The following PTBP2 variants were observed in gnomAD, a reference collection of about 807,000 sequenced individuals.
PTBP2 encodes the protein polypyrimidine tract-binding protein 2.
PTBP2 carries 13 observed loss-of-function variants against 61.4 expected under a neutral mutation model. The observed-to-expected ratio is 0.21, with a 90% CI of 0.14 to 0.34. PTBP2 has a LOEUF of 0.34. PTBP2 is among the 10% of genes least tolerant of loss of function. The pLI is 1.00. For synonymous variants in PTBP2, 215 were observed against 218.5 expected, an observed-to-expected ratio of 0.98 and a Z score of 0.14; for missense variants, 405 against 642.6, an observed-to-expected ratio of 0.63 and a Z score of 4.00.
chr1:96,813,546 C>A lies in PTBP2; in HGVS notation c.*141C>A. The A allele has an allele frequency of 1.3e-6, 1 of 759,776 alleles. No homozygotes were observed. The highest frequency in any genetic ancestry group is 1.9e-6 in the Non-Finnish European group (1 of 526,430). 47.1% of individuals were successfully genotyped at this position (759,776 alleles called of 1,614,324 possible). A position where few individuals can be genotyped will look rare whatever the true frequency, so the allele number is the denominator to read the frequency against. On this transcript the variant is annotated 3_prime_UTR_variant, in exon 14 of 14. Transcript: ENST00000674951. ...TTCTTTTTTTTTTCCATGCTGTTAT[C>A]ATTCCTTGGTTATAAAATGAAATGG...
intron 8 of PTBP2, among the ~76,000 whole-genome samples, chr1:96,794,853 G>A (rs1660205528): frequency 1.3e-5 from 2 of 152,146 alleles, no homozygotes; most frequent in Non-Finnish European, 2.9e-5. Flanking sequence ...TGTTTTAGGT[G>A]TGATGAACAT....
At chr1:96,786,601 GT>G (rs1659231081) in intron 8 of PTBP2, among the ~76,000 whole-genome samples, 1 of 152,132 alleles carries the variant, frequency 6.6e-6, no homozygotes, top group African/African-American at 2.4e-5. Context: ...GATAGACATT[GT>G]TTTAGAAAGA....
At chr1:96,729,776 G>A (rs1033208241) in intron 2 of PTBP2, among the ~76,000 whole-genome samples, 8 of 132,932 alleles carry the variant, frequency 6.0e-5, no homozygotes, top group Non-Finnish European at 3.1e-5. Flanking sequence ...TTGCTCTGTC[G>A]CCCGGGCTGG....
chr1:96,756,163 C>T (rs754950851), intron 3 of PTBP2, among the ~76,000 whole-genome samples: 7 of 152,190 alleles, frequency 4.6e-5, no homozygotes, highest in Non-Finnish European at 1.0e-4. Flanking sequence ...CTTTGGGAAG[C>T]CAAGGCAGGC....
In PTBP2 at chr1:96,777,675, C is replaced by T. The variant is rs897154791; in HGVS notation, c.523C>T (p.Pro175Ser). ...GTTVSESAVT[P>S]AQSPVLRIII... ...CACAGTTAGCGAGAGTGCAGTGACT[C>T]CAGCCCAGAGTCCAGTACTTAGAAT... The change falls in exon 6 of 14, where the codon CCA becomes TCA. Residue 175 changes from proline to serine, a missense_variant. Physicochemically the swap from Pro to Ser is moderately conservative, Grantham distance 74. Coordinates refer to ENST00000674951, the MANE Select transcript of PTBP2 (RefSeq NM_021190.4). 1.9e-6 allele frequency: 3 copies of T among 1,613,246 alleles called. No individual in the cohort carries two copies. The highest frequency in any genetic ancestry group is 2.5e-6 in the Non-Finnish European group (3 of 1,179,466).
At chr1:96,750,753 A>C (rs557527717) in intron 2 of PTBP2, among the ~76,000 whole-genome samples, 1 of 152,250 alleles carries the variant, frequency 6.6e-6, no homozygotes, top group Admixed American at 6.5e-5. Flanking sequence ...AGCTAGTTTA[A>C]ATATTAGTCC....
At chr1:96,790,267 GC>G (rs1659646479) in intron 8 of PTBP2, among the ~76,000 whole-genome samples, 1 of 149,514 alleles carries the variant, frequency 6.7e-6, no homozygotes, top group African/African-American at 2.4e-5. Context: ...AAGATTTAGA[GC>G]CTTTTTTTTT....
intron 1 of PTBP2, among the ~76,000 whole-genome samples, chr1:96,722,913 A>C (rs753340781): frequency 1.3e-5 from 2 of 152,244 alleles, no homozygotes; most frequent in South Asian, 2.1e-4. Context: ...AAGGTCAAAA[A>C]TACAGCAGTA....
In PTBP2 at chr1:96,754,037, T is replaced by G. The variant is rs59241449; in HGVS notation, c.115+2537T>G. Among the ~76,000 whole-genome samples the G allele has an allele frequency of 2.7e-3, 417 of 152,236 alleles. 5 individuals carry two copies. Among genetic ancestry groups the G allele is most frequent in the African/African-American group, 9.8e-3 (408 of 41,546 alleles). ...AAAATTTGAATAAAATATATCAACT[T>G]ACATTCCTAAGAAGCTCAGGTAAAC... On this transcript the variant is annotated intron_variant, in intron 3 of 13. Coordinates refer to ENST00000674951, the MANE Select transcript of PTBP2 (RefSeq NM_021190.4).
At chr1:96,749,794 A>G (rs1654309166) in intron 2 of PTBP2, 1 of 370,652 alleles carries the variant, frequency 2.7e-6, no homozygotes. Flanking sequence ...TTGCCTGGTA[A>G]TCACTGTTCG....
rs368588997 is a variant in PTBP2 at position 96,787,515 on chromosome 1, CTTT to C, written c.904+2267_904+2269del. On this transcript the variant is annotated intron_variant, in intron 8 of 13. Transcript: ENST00000674951. ...GTGTTTAGCCTTTCCTAAGTGACTT[CTTT>C]TTTTTATCTGTTTTAATGTTTTTGC... 2.3e-3 allele frequency among the ~76,000 whole-genome samples: 349 copies of C among 151,574 alleles called. 2 individuals carry two copies. The highest frequency in any genetic ancestry group is 8.2e-3 in the African/African-American group (342 of 41,482).
chr1:96,734,332 ACTCTC>A (rs1469771451), intron 2 of PTBP2, among the ~76,000 whole-genome samples: 1 of 152,020 alleles, frequency 6.6e-6, no homozygotes, highest in Non-Finnish European at 1.5e-5. Flanking sequence ...AAGAATAGGG[ACTCTC>A]CTCTCCTTTT....
downstream of PTBP2, chr1:96,817,850 TATG>T (rs1323305132): frequency 1.3e-5 from 2 of 152,112 alleles, no homozygotes; most frequent in Admixed American, 6.6e-5. Flanking sequence ...TGGCAAATAA[TATG>T]ATATTGGGTG....
intron 3 of PTBP2, among the ~76,000 whole-genome samples, chr1:96,765,100 AT>A (rs1004198200): frequency 3.4e-5 from 5 of 148,470 alleles, no homozygotes; most frequent in East Asian, 2.0e-4. Flanking sequence ...AGCAGCATTC[AT>A]TTTTTTTTTC....
At chr1:96,783,658 T>C (rs1444653415) in intron 7 of PTBP2, among the ~76,000 whole-genome samples, 1 of 152,108 alleles carries the variant, frequency 6.6e-6, no homozygotes, top group Non-Finnish European at 1.5e-5. Context: ...TCTTTTGATA[T>C]TTATCTATTG....
At chr1:96,722,981 CAGTG>C (rs1423136198) in intron 1 of PTBP2, among the ~76,000 whole-genome samples, 1 of 152,178 alleles carries the variant, frequency 6.6e-6, no homozygotes, top group African/African-American at 2.4e-5. Context: ...TTATTAAAAT[CAGTG>C]AGTATTTGAA....
chr1:96,802,232 AAG>A (rs1553187202), intron 8 of PTBP2, among the ~76,000 whole-genome samples: 13 of 150,854 alleles, frequency 8.6e-5, no homozygotes, highest in East Asian at 2.0e-4. Flanking sequence ...AAAAAAAAAA[AAG>A]AACCCACATT....
At chr1:96,797,065 G>A (rs575384006) in intron 8 of PTBP2, among the ~76,000 whole-genome samples, 7 of 152,314 alleles carry the variant, frequency 4.6e-5, no homozygotes, top group Non-Finnish European at 1.0e-4. Context: ...ATAAAGCCAG[G>A]TGCTGAAGTC....
chr1:96,746,591 T>C (rs1475908476), intron 2 of PTBP2, among the ~76,000 whole-genome samples: 1 of 151,906 alleles, frequency 6.6e-6, no homozygotes, highest in Non-Finnish European at 1.5e-5. Flanking sequence ...ATCTCAGCTT[T>C]TTGGGAGGCT....
Sources: gnomAD v4.1 joint callset for allele counts (sites outside exome capture counted in the v4.1 genomes callset) on GRCh38, gnomAD v4.1.1 for gene constraint, MANE v1.5 for transcripts, NCBI Gene and HGNC (gene_info 2026-07-23, HGNC 2026-07-21) for gene names.